The following GAK variants were observed in gnomAD, a reference collection of about 807,000 sequenced individuals.
GAK encodes cyclin-G-associated kinase.
GAK carries 79 observed loss-of-function variants against 143.9 expected under a neutral mutation model. The ratio of observed to expected loss-of-function variants is 0.55; its 90% CI spans 0.46 to 0.66. GAK has a LOEUF of 0.66. GAK is among the 30% of genes least tolerant of loss of function. The pLI is 0.00. For synonymous variants in GAK, 881 were observed against 765.5 expected (o/e 1.15, Z -2.49); for missense variants, 1,693 against 1,779.7 (o/e 0.95, Z 0.88).
chr4:880,662 C>T (rs1434775436), intron 15 of GAK, among the ~76,000 whole-genome samples: 1 of 152,146 alleles, frequency 6.6e-6, no homozygotes, highest in Admixed American at 6.5e-5. Context: ...GGTCCAGTTA[C>T]GTCCACCCCA....
intron 24 of GAK, chr4:859,096 G>A: frequency 4.6e-6 from 4 of 873,984 alleles, no homozygotes; most frequent in Non-Finnish European, 5.5e-6. Context: ...AGGGGCATCA[G>A]GTCAGCCCAA....
At chr4:904,438 C>T (rs1363294411) in intron 5 of GAK, among the ~76,000 whole-genome samples, 199 bp downstream of exon 5, 3 of 144,272 alleles carry the variant, frequency 2.1e-5, no homozygotes, top group African/African-American at 5.2e-5. Context: ...CCTAACCGAG[C>T]GGGACCCGCA....
rs376613807 is a variant in GAK, at chr4:923,170, C to T, written c.145+8873G>A. ...ACCTGCACCAGGGTTAGCATCCCGA[C>T]CGTCACCACTGGGGAAACCAGGCAA... On this transcript the variant is annotated intron_variant, in intron 1 of 27. Transcript: ENST00000314167. Among the ~76,000 whole-genome samples the T allele has an allele frequency of 1.8e-3, 267 of 152,288 alleles. 2 individuals carry two copies. The Middle Eastern group carries it at 0.034, about 19-fold the overall frequency.
chr4:911,736 T>C lies in GAK; in HGVS notation c.319A>G (p.Ile107Val), dbSNP rs138465573. The change falls in exon 4 of 28, where the codon ATA becomes GTA. Residue 107 changes from isoleucine (I) to valine (V), a missense_variant. Transcript: ENST00000314167. ...NIVQFCSAAS[I>V]GKEESDTGQA... ...CCCGTGTCTGACTCCTCTTTTCCTA[T>C]AGACGCTGCAGAACAAAACTGGACA... 1.9e-4 allele frequency: 301 copies of C among 1,614,048 alleles called. 1 individual carries two copies. Among genetic ancestry groups the C allele is most frequent in the Non-Finnish European group, 2.5e-4 (291 of 1,179,958 alleles).
At chr4:860,661 G>A (rs943268267) in intron 23 of GAK, among the ~76,000 whole-genome samples, 2 of 152,154 alleles carry the variant, frequency 1.3e-5, no homozygotes, top group African/African-American at 4.8e-5. Flanking sequence ...AAGCGCACTT[G>A]AGGGGACGGG....
chr4:912,383 T>A (rs542932135), intron 3 of GAK: 14 of 370,036 alleles, frequency 3.8e-5, no homozygotes, highest in South Asian at 3.0e-4. Flanking sequence ...AGCCAGGCCA[T>A]CTGCACGGCT....
At chr4:883,977 C>G (rs554138982) in intron 12 of GAK, 60 bp downstream of exon 12, 44 of 1,449,742 alleles carry the variant, frequency 3.0e-5, no homozygotes, top group Non-Finnish European at 4.0e-5. Context: ...ACAACAGGGA[C>G]TCACTGGGCA....
chr4:867,231 T>G lies in GAK; in HGVS notation c.2597A>C (p.Glu866Ala), dbSNP rs1188147249. ...AGGCTCTGGCAGCACAGCCGGTGTC[T>G]CCACCTCAAAAACCAAGTCCTGCTG... ...LVQQDLVFEVETPAVLPEPVP... is the reference protein window; with the variant it reads ...LVQQDLVFEVATPAVLPEPVP... The change falls in exon 21 of 28, where the codon GAG becomes GCG. Residue 866 changes from glutamate (E) to alanine (A), a missense_variant. This residue lies in a region of GAK where 822 missense variants were observed against 788.7 expected (regional missense o/e 1.04). Coordinates refer to ENST00000314167, the MANE Select transcript of GAK (RefSeq NM_005255.4). 2 of 1,612,818 alleles carry G rather than the reference T, an allele frequency of 1.2e-6. No individual in the cohort carries two copies. Among genetic ancestry groups the G allele is most frequent in the Non-Finnish European group, 1.7e-6 (2 of 1,179,608 alleles).
At chr4:886,418 G>GGGAGGGAGC (rs1716339615) in intron 11 of GAK, 1 of 152,188 alleles carries the variant, frequency 6.6e-6, no homozygotes, top group Admixed American at 6.5e-5. Context: ...ACAGCTGCTG[G>GGGAGGGAGC]GGAGGGAGCG....
chr4:850,202 T>A (rs1017765561), intron 26 of GAK, 134 bp from the exon 27 acceptor site: 4 of 804,022 alleles, frequency 5.0e-6, no homozygotes, highest in Non-Finnish European at 7.7e-6. Context: ...ACAGACACTG[T>A]CCCACTGCAC....
chr4:912,284 A>G (rs1722181841), intron 3 of GAK: 1 of 406,862 alleles, frequency 2.5e-6, no homozygotes, highest in Non-Finnish European at 5.1e-6. Context: ...ATCCTCTGTC[A>G]GCGCCGGGAG....
At chr4:893,796 G>A (rs1469401081) in intron 8 of GAK, 78 bp downstream of exon 8, 2 of 1,470,680 alleles carry the variant, frequency 1.4e-6, no homozygotes, top group East Asian at 4.9e-5. Flanking sequence ...AGTGCCCCAA[G>A]GGGAGCGGGG....
chr4:920,088 G>A (rs1330832058), intron 1 of GAK, among the ~76,000 whole-genome samples: 1 of 152,076 alleles, frequency 6.6e-6, no homozygotes, highest in East Asian at 1.9e-4. Context: ...GAGGAGGGCG[G>A]ATCACAAGGT....
intron 1 of GAK, among the ~76,000 whole-genome samples, chr4:930,481 T>A (rs1725478549): frequency 6.7e-6 from 1 of 149,766 alleles, no homozygotes; most frequent in African/African-American, 2.5e-5. Context: ...GCATTCTCCA[T>A]CCCTCCCACC....
At chr4:888,181 T>C (rs1716909414) in intron 11 of GAK, 1 of 152,280 alleles carries the variant, frequency 6.6e-6, no homozygotes, top group South Asian at 2.1e-4. Context: ...CCAGCCCAGC[T>C]CCTAGGCTGT....
In GAK at chr4:851,766, G is replaced by GA. The variant is rs1748183443; in HGVS notation, c.3491dup (p.Arg1165ProfsTer13). 1 of 1,613,370 alleles carries GA rather than the reference G, an allele frequency of 6.2e-7. No individual in the cohort carries two copies. Among genetic ancestry groups the GA allele is most frequent in the Non-Finnish European group, 8.5e-7 (1 of 1,179,876 alleles). On this transcript the variant is annotated frameshift_variant, in exon 25 of 28. Coordinates refer to ENST00000314167, the MANE Select transcript of GAK (RefSeq NM_005255.4). LOFTEE classifies it high-confidence loss of function. ...GGGACTCACCAAAGCTGGGTGCGCG[G>GA]ACCCCCCGCTCCTCCCGCGCCCCGA...
At chr4:923,170 C>A (rs376613807) in intron 1 of GAK, among the ~76,000 whole-genome samples, 1 of 152,170 alleles carries the variant, frequency 6.6e-6, no homozygotes, top group African/African-American at 2.4e-5. Flanking sequence ...AGCATCCCGA[C>A]CGTCACCACT....
At chr4:900,770 G>C (rs1245729790) in intron 5 of GAK, among the ~76,000 whole-genome samples, 1 of 152,142 alleles carries the variant, frequency 6.6e-6, no homozygotes, top group Non-Finnish European at 1.5e-5. Flanking sequence ...TGTGTGCTGG[G>C]CAGAATGTAC....
intron 11 of GAK, among the ~76,000 whole-genome samples, chr4:884,889 G>A (rs1041020071): frequency 9.2e-5 from 14 of 152,334 alleles, no homozygotes; most frequent in African/African-American, 3.4e-4. Flanking sequence ...AGGAAAGCCT[G>A]GATAAAGGTC....
Sources: allele counts gnomAD v4.1 joint callset (sites outside exome capture counted in the v4.1 genomes callset), GRCh38; gene constraint gnomAD v4.1.1; regional missense constraint gnomAD v4.1.1; transcripts MANE v1.5; gene names NCBI Gene and HGNC (gene_info 2026-07-23, HGNC 2026-07-21).